Variants in FCN2 observed in about 807,000 individuals in gnomAD.
The protein encoded by FCN2 is ficolin-2.
A neutral mutation model predicts 32.5 loss-of-function variants in FCN2; 31 were observed. The ratio of observed to expected loss-of-function variants is 0.96; its 90% CI spans 0.72 to 1.29. The LOEUF (loss-of-function observed/expected upper bound fraction) is 1.29. Ranked by LOEUF, FCN2 falls within the 50% of genes most tolerant of loss-of-function variation. The probability of loss-of-function intolerance (pLI) is 0.00; values close to 1 mark genes in which losing one functional copy is unlikely to be tolerated. For missense variants in FCN2, 412 were observed against 406.5 expected, an observed-to-expected ratio of 1.01 and a Z score of -0.12; for synonymous variants, 181 against 164.5, an observed-to-expected ratio of 1.10 and a Z score of -0.77.
At chr9:134,875,317 T>C in the FCN2 span, among the ~76,000 whole-genome samples, 1 of 152,106 alleles carries the variant, frequency 6.6e-6, no homozygotes, top group African/African-American at 2.4e-5. Flanking sequence ...GAACTGTGGG[T>C]TTTTTGTGGA....
the FCN2 span, among the ~76,000 whole-genome samples, chr9:134,864,476 C>T: frequency 1.3e-4 from 20 of 152,184 alleles, no homozygotes; most frequent in African/African-American, 4.8e-4. Flanking sequence ...AGTGGCCATC[C>T]CCACTGGGGT....
At chr9:134,881,977 G>C (rs1218323040) in intron 1 of FCN2, among the ~76,000 whole-genome samples, 1 of 152,224 alleles carries the variant, frequency 6.6e-6, no homozygotes, top group Middle Eastern at 3.2e-3. Context: ...CCTCTGTGGA[G>C]GAACAAGGTG....
chr9:134,870,285 G>T, the FCN2 span, among the ~76,000 whole-genome samples: 2 of 152,174 alleles, frequency 1.3e-5, no homozygotes, highest in East Asian at 3.9e-4. The surrounding 1 kb of genome is among the most constrained non-coding windows in gnomAD (Gnocchi z 4.3). Context: ...TTCCGACTCC[G>T]CTGCCTGGAG....
At chr9:134,885,490 G>C in intron 5 of FCN2, 124 bp downstream of exon 5, 1 of 1,472,190 alleles carries the variant, frequency 6.8e-7, no homozygotes, top group Non-Finnish European at 9.1e-7. Flanking sequence ...GAGATGATGG[G>C]GGAGATGACC....
At chr9:134,874,301 A>G in the FCN2 span, among the ~76,000 whole-genome samples, 1 of 152,198 alleles carries the variant, frequency 6.6e-6, no homozygotes, top group African/African-American at 2.4e-5. Context: ...CCTATCCAAG[A>G]AATCATTGCC....
chr9:134,885,307 C>T lies in FCN2; in HGVS notation c.370C>T (p.Pro124Ser), dbSNP rs763433469. The T allele has an allele frequency of 6.2e-7, 1 of 1,614,136 alleles. No individual in the cohort carries two copies. Among genetic ancestry groups the T allele is most frequent in the South Asian group, 1.1e-5 (1 of 91,088 alleles). Residue 124 changes from proline (P) to serine (S), a missense_variant, in exon 5 of 8, where the codon CCC becomes TCC. Pro to Ser is a moderately conservative substitution (Grantham distance 74). Coordinates refer to ENST00000291744, the MANE Select transcript of FCN2 (RefSeq NM_004108.3). ...GAGCGGCTGGCACACCATCTACCTG[C>T]CCGACTGCCGGCCCCTGACTGTGCT... ...FLSGWHTIYL[P>S]DCRPLTVLCD...
At chr9:134,873,930 A>G in the FCN2 span, among the ~76,000 whole-genome samples, 1 of 121,258 alleles carries the variant, frequency 8.2e-6, no homozygotes, top group African/African-American at 3.2e-5. Flanking sequence ...TTGTTTTTTG[A>G]TATAGGATCT....
the FCN2 span, among the ~76,000 whole-genome samples, chr9:134,870,236 C>T: frequency 1.3e-5 from 2 of 152,208 alleles, no homozygotes; most frequent in African/African-American, 2.4e-5. The surrounding 1 kb of genome is among the most constrained non-coding windows in gnomAD (Gnocchi z 4.3). Flanking sequence ...AGCCCCCAGG[C>T]CATTGCCCCC....
At chr9:134,866,468 C>A in the FCN2 span, among the ~76,000 whole-genome samples, 1 of 149,904 alleles carries the variant, frequency 6.7e-6, no homozygotes. Context: ...CCCTTCCTTA[C>A]ACCTTATACA....
chr9:134,876,953 T>G (rs886518723), upstream of FCN2, among the ~76,000 whole-genome samples: 3 of 152,256 alleles, frequency 2.0e-5, no homozygotes, highest in African/African-American at 7.2e-5. Context: ...AATATGTTGG[T>G]GCTAAAGTGT....
the FCN2 span, among the ~76,000 whole-genome samples, chr9:134,873,901 T>G: frequency 1.0e-4 from 5 of 47,774 alleles, no homozygotes; most frequent in Non-Finnish European, 2.0e-4. Context: ...TGTTTTTTGT[T>G]TTTTTTTGTT....
At chr9:134,881,092 G>A (rs1363156132) in intron 1 of FCN2, among the ~76,000 whole-genome samples, 171 bp downstream of exon 1, 1 of 152,212 alleles carries the variant, frequency 6.6e-6, no homozygotes. Context: ...CAGAGGCCCC[G>A]AATGGATGTG....
chr9:134,878,300 C>T (rs755119879), upstream of FCN2, among the ~76,000 whole-genome samples: 2 of 152,164 alleles, frequency 1.3e-5, no homozygotes, highest in Non-Finnish European at 2.9e-5. Context: ...GGCTGGAAGC[C>T]AGCTCAGCCA....
the FCN2 span, among the ~76,000 whole-genome samples, chr9:134,870,009 G>C: frequency 6.6e-6 from 1 of 152,204 alleles, no homozygotes; most frequent in African/African-American, 2.4e-5. This position sits in a 1 kb window ranked among gnomAD's most constrained non-coding sequence, Gnocchi z 4.3. Flanking sequence ...CCAGGCCTGA[G>C]AGGATGAATC....
the FCN2 span, among the ~76,000 whole-genome samples, chr9:134,874,058 G>A: frequency 7.3e-4 from 111 of 151,986 alleles, no homozygotes; most frequent in Non-Finnish European, 1.3e-3. Context: ...GTAGTTACAG[G>A]TGTGTGCCAC....
the FCN2 span, among the ~76,000 whole-genome samples, chr9:134,872,877 G>C: frequency 1.3e-5 from 2 of 152,102 alleles, no homozygotes; most frequent in African/African-American, 2.4e-5. Context: ...TTCCAAAAAG[G>C]CTGCACCGCT....
chr9:134,864,320 C>A, the FCN2 span, among the ~76,000 whole-genome samples: 1 of 152,220 alleles, frequency 6.6e-6, no homozygotes, highest in Non-Finnish European at 1.5e-5. Flanking sequence ...CCTTCCCACA[C>A]GGGCCTCAGG....
At chr9:134,886,053 T>A (rs1830750027) in intron 6 of FCN2, among the ~76,000 whole-genome samples, 156 bp downstream of exon 6, 1 of 152,092 alleles carries the variant, frequency 6.6e-6, no homozygotes, top group Non-Finnish European at 1.5e-5. Context: ...GAGGGCTTCG[T>A]CCCTGCTGCA....
Position 134,887,346 on chromosome 9 carries a change from C to T in FCN2, c.873C>T (p.Ile291=). 6.2e-7 allele frequency: 1 copy of T among 1,614,118 alleles called. No individual in the cohort carries two copies. The highest frequency in any genetic ancestry group is 8.5e-7 in the Non-Finnish European group (1 of 1,179,990). The change falls in exon 8 of 8, where the codon ATC becomes ATT. Residue 291 remains isoleucine (I), a synonymous_variant. Coordinates refer to ENST00000291744, the MANE Select transcript of FCN2 (RefSeq NM_004108.3). ...RGTHGSFANG[I]NWKSGKGYNY... Reference sequence around the variant, plus strand: ...CTCATGGCAGCTTTGCAAATGGCATCAACTGGAAGTCGGGGAAAGGATACA... The same window carrying T: ...CTCATGGCAGCTTTGCAAATGGCATTAACTGGAAGTCGGGGAAAGGATACA...
Sources: allele counts gnomAD v4.1 joint callset (sites outside exome capture counted in the v4.1 genomes callset), GRCh38; gene constraint gnomAD v4.1.1; non-coding constraint Gnocchi (gnomAD v3.1); transcripts MANE v1.5; gene names NCBI Gene and HGNC (gene_info 2026-07-23, HGNC 2026-07-21).